The following CNTNAP1 variants were observed in gnomAD, a reference collection of about 807,000 sequenced individuals.
The protein encoded by CNTNAP1 is contactin associated protein 1, also known as contactin-associated protein 1.
CNTNAP1 carries 80 observed loss-of-function variants against 161.5 expected under a neutral mutation model. The observed-to-expected ratio is 0.50, with a 90% CI of 0.41 to 0.60. The LOEUF is 0.60. Among genes scored for constraint, CNTNAP1 ranks in the 20% least tolerant of loss-of-function variants. CNTNAP1 has a pLI of 0.00. For synonymous variants in CNTNAP1, 695 were observed against 733.1 expected, an observed-to-expected ratio of 0.95 and a Z score of 0.84; for missense variants, 1,464 against 1,854.8, an observed-to-expected ratio of 0.79 and a Z score of 3.87.
In CNTNAP1 at chr17:42,685,991, C is replaced by G. The variant is rs779237919; in HGVS notation, c.750C>G (p.Thr250=). The change falls in exon 6 of 24, where the codon ACC becomes ACG. Residue 250 remains threonine, a synonymous_variant. Transcript: ENST00000264638. The surrounding 1 kb of genome is among the most constrained non-coding windows in gnomAD (Gnocchi z 5.0). ...CTATCCAGCCAAGACCAGGTCACAC[C>G]ACCGTGAGCGCAGGCGGAGTCCTCA... is the stretch of plus-strand genomic sequence containing the variant. ...SSPIQPRPGH[T]TVSAGGVLND... 1 of 1,614,192 alleles carries G rather than the reference C, an allele frequency of 6.2e-7. No homozygotes were observed. Among genetic ancestry groups the G allele is most frequent in the Non-Finnish European group, 8.5e-7 (1 of 1,180,034 alleles).
At position 42,682,764 on chromosome 17, in the gene CNTNAP1, A is replaced by G; in HGVS notation, c.-66A>G. The stretch of plus-strand genomic sequence containing the variant: ...CCCCAGGAGGAGAGCTTGGAGCCCA[A>G]GCCAGAACTCGAGCCCTAGCCGGAG... On this transcript the variant is annotated 5_prime_UTR_variant, in exon 1 of 24. Coordinates refer to ENST00000264638, the MANE Select transcript of CNTNAP1 (RefSeq NM_003632.3). The G allele has an allele frequency of 2.6e-6, 4 of 1,509,908 alleles. No homozygotes were observed. Among genetic ancestry groups the G allele is most frequent in the Non-Finnish European group, 3.6e-6 (4 of 1,118,670 alleles). 93.5% of individuals were successfully genotyped at this position (1,509,908 alleles called of 1,614,324 possible).
At position 42,695,656 on chromosome 17, in the gene CNTNAP1, A is replaced by G. The variant is rs1325358153; in HGVS notation, c.3128A>G (p.Tyr1043Cys). 4 of 1,614,130 alleles carry G rather than the reference A, an allele frequency of 2.5e-6. No individual in the cohort carries two copies. The highest frequency in any genetic ancestry group is 2.2e-5 in the South Asian group (2 of 91,088). The change falls in exon 19 of 24, where the codon TAT (tyrosine) becomes TGT (cysteine). Residue 1043 changes from tyrosine to cysteine, a missense_variant. Tyr to Cys is a radical substitution (Grantham distance 194). Coordinates refer to ENST00000264638, the MANE Select transcript of CNTNAP1 (RefSeq NM_003632.3). The stretch of plus-strand genomic sequence containing the variant: ...TATGAGCCTGGCTACATCCCGGGCT[A>G]TGATACTCCGGGCTATGTGCCTGGC... Reference protein sequence around the residue: ...PGYEPGYIPGYDTPGYVPGYH... With the variant: ...PGYEPGYIPGCDTPGYVPGYH...
chr17:42,691,705 C>T lies in CNTNAP1; in HGVS notation c.2345-101C>T, dbSNP rs2053088219. The T allele has an allele frequency of 7.2e-7, 1 of 1,387,006 alleles. No homozygotes were observed. The highest frequency in any genetic ancestry group is 1.4e-5 in the African/African-American group (1 of 70,276). The allele number at this position is 1,387,006 out of a possible 1,614,324, so 85.9% of individuals were successfully genotyped here. A position where few individuals can be genotyped will look rare whatever the true frequency, so the allele number is the denominator to read the frequency against. The stretch of plus-strand genomic sequence containing the variant: ...TAGTCTCCCCTCCGTCACCTCAAAC[C>T]CTCCCCCTTTGCCCAACCTTCCCTG... On this transcript the variant is annotated intron_variant, in intron 15 of 23. Coordinates refer to ENST00000264638, the MANE Select transcript of CNTNAP1 (RefSeq NM_003632.3). The surrounding 1 kb of genome is among the most constrained non-coding windows in gnomAD (Gnocchi z 4.3).
intron 12 of CNTNAP1, 80 bp downstream of exon 12, chr17:42,690,287 A>C: frequency 6.5e-7 from 1 of 1,539,722 alleles, no homozygotes; most frequent in East Asian, 2.3e-5. Context: ...CAGTTAGACT[A>C]AACAAGTGAG....
chr17:42,691,025 G>C lies in CNTNAP1; in HGVS notation c.2059+83G>C. 3 of 1,599,960 alleles carry C rather than the reference G, an allele frequency of 1.9e-6. No individual in the cohort carries two copies. The highest frequency in any genetic ancestry group is 1.7e-6 in the Non-Finnish European group (2 of 1,171,046). On this transcript the variant is annotated intron_variant, in intron 13 of 23. Coordinates refer to ENST00000264638, the MANE Select transcript of CNTNAP1 (RefSeq NM_003632.3). This position sits in a 1 kb window ranked among gnomAD's most constrained non-coding sequence, Gnocchi z 4.3. ...GAGAAGGAAGCCAGAGAGCCAGCTGGGGCCTTGGGTTGGAAGATTCAAGGA... is the reference window on the plus strand; with the variant it reads ...GAGAAGGAAGCCAGAGAGCCAGCTGCGGCCTTGGGTTGGAAGATTCAAGGA...
chr17:42,682,760 C>A lies in CNTNAP1; in HGVS notation c.-70C>A. 1.4e-6 allele frequency: 2 copies of A among 1,477,904 alleles called. No homozygotes were observed. Among genetic ancestry groups the A allele is most frequent in the Non-Finnish European group, 1.8e-6 (2 of 1,090,126 alleles). 91.5% of individuals were successfully genotyped at this position (1,477,904 alleles called of 1,614,324 possible). A position where few individuals can be genotyped will look rare whatever the true frequency, so the allele number is the denominator to read the frequency against. On this transcript the variant is annotated 5_prime_UTR_variant, in exon 1 of 24. Transcript: ENST00000264638. ...CAAACCCCAGGAGGAGAGCTTGGAG[C>A]CCAAGCCAGAACTCGAGCCCTAGCC...
At position 42,682,596 on chromosome 17, in the gene CNTNAP1, A is replaced by G; in HGVS notation, c.-234A>G. 4 of 545,194 alleles carry G rather than the reference A, an allele frequency of 7.3e-6. No individual in the cohort carries two copies. The highest frequency in any genetic ancestry group is 1.3e-5 in the Non-Finnish European group (4 of 307,352). 33.8% of individuals were successfully genotyped at this position (545,194 alleles called of 1,614,324 possible). Reference sequence around the variant, plus strand: ...GGAGGTGAGAGGAAAGAGGGTGGAAAGGAGAGGATAGAGAGAGAAGAGCGG... The same window carrying G: ...GGAGGTGAGAGGAAAGAGGGTGGAAGGGAGAGGATAGAGAGAGAAGAGCGG... On this transcript the variant is annotated 5_prime_UTR_variant, in exon 1 of 24. Coordinates refer to ENST00000264638, the MANE Select transcript of CNTNAP1 (RefSeq NM_003632.3).
At chr17:42,688,404 A>AT in intron 8 of CNTNAP1, 58 bp from the exon 9 acceptor site, 3 of 1,611,206 alleles carry the variant, frequency 1.9e-6, no homozygotes, top group Middle Eastern at 3.3e-4. Context: ...CACTCAGAAC[A>AT]TTCTTCTACC....
chr17:42,683,601 T>G, intron 1 of CNTNAP1: 2 of 1,411,704 alleles, frequency 1.4e-6, no homozygotes, highest in Non-Finnish European at 1.8e-6. Context: ...CCTATAGGTG[T>G]AGCCTAGGGG....
chr17:42,685,543 C>A lies in CNTNAP1; in HGVS notation c.715+123C>A. On this transcript the variant is annotated intron_variant, in intron 5 of 23. Transcript: ENST00000264638. The surrounding 1 kb of genome is among the most constrained non-coding windows in gnomAD (Gnocchi z 5.0). ...TCTTCCACTTCTCTAAGGCCTGGAC[C>A]AAACTGCCCCTTTCTTGTAGCATTT... 2.3e-6 allele frequency: 2 copies of A among 884,266 alleles called. No homozygotes were observed. Among genetic ancestry groups the A allele is most frequent in the Non-Finnish European group, 3.4e-6 (2 of 587,052 alleles). 54.8% of individuals were successfully genotyped at this position (884,266 alleles called of 1,614,324 possible).
Position 42,686,833 on chromosome 17 carries a change from G to C in CNTNAP1, c.901-70G>C. The C allele has an allele frequency of 2.7e-6, 4 of 1,505,366 alleles. No homozygotes were observed. In the South Asian group the frequency reaches 5.0e-5, roughly 19 times the overall value. 93.3% of individuals were successfully genotyped at this position (1,505,366 alleles called of 1,614,324 possible). A position where few individuals can be genotyped will look rare whatever the true frequency, so the allele number is the denominator to read the frequency against. ...CCATCTGGCATTTGGGAAAGCATAC[G>C]GCGGGGACGCGCGAGAAAGGCAGGC... On this transcript the variant is annotated intron_variant, in intron 6 of 23. Coordinates refer to ENST00000264638, the MANE Select transcript of CNTNAP1 (RefSeq NM_003632.3).
chr17:42,693,535 CG>C lies in CNTNAP1; in HGVS notation c.2992+1del. 1 of 1,612,086 alleles carries C rather than the reference CG, an allele frequency of 6.2e-7. No homozygotes were observed. The highest frequency in any genetic ancestry group is 8.5e-7 in the Non-Finnish European group (1 of 1,178,298). ...CTTTTGATGGGCCATACTGCAACCA[CG>C]GTAAGTGCTGCTGGTTATGGGGCAA... ...TAFDGPYCNH[D>X]IGGFFEPGTW... On this transcript the variant is annotated frameshift_variant and splice_region_variant, in exon 18 of 24. Coordinates refer to ENST00000264638, the MANE Select transcript of CNTNAP1 (RefSeq NM_003632.3). LOFTEE classifies it high-confidence loss of function.
chr17:42,686,846 G>C (rs1308412913), intron 6 of CNTNAP1, 57 bp from the exon 7 acceptor site: 3 of 1,532,542 alleles, frequency 2.0e-6, no homozygotes, highest in Admixed American at 2.0e-5. Context: ...GGGGACGCGC[G>C]AGAAAGGCAG....
intron 9 of CNTNAP1, 99 bp from the exon 10 acceptor site, chr17:42,688,777 C>T (rs1156525189): frequency 3.3e-6 from 5 of 1,534,662 alleles, no homozygotes; most frequent in Non-Finnish European, 4.5e-6. Flanking sequence ...GGTTGTAGTC[C>T]CCTTTCTTCC....
In CNTNAP1 at chr17:42,685,773, T is replaced by C. The variant is rs1266370672; in HGVS notation, c.716-184T>C. Reference sequence around the variant, plus strand: ...TAGAAGCAGCTCATGTGTTCCCAGTTTTACAGACAGGAAGCCAGGCTAAAT... The same window carrying C: ...TAGAAGCAGCTCATGTGTTCCCAGTCTTACAGACAGGAAGCCAGGCTAAAT... On this transcript the variant is annotated intron_variant, in intron 5 of 23. Coordinates refer to ENST00000264638, the MANE Select transcript of CNTNAP1 (RefSeq NM_003632.3). This position sits in a 1 kb window ranked among gnomAD's most constrained non-coding sequence, Gnocchi z 5.0. Among the ~76,000 whole-genome samples the C allele has an allele frequency of 6.6e-6, 1 of 152,130 alleles. No individual in the cohort carries two copies. The highest frequency in any genetic ancestry group is 1.5e-5 in the Non-Finnish European group (1 of 68,012).
rs1019108814 is a variant in CNTNAP1, at chr17:42,696,275, G to C, written c.3474+123G>C. Reference sequence around the variant, plus strand: ...ATTTGAATGTATAGAGGATTTTCACGTGTGTCACCTCATGTAACCCTCACA... The same window carrying C: ...ATTTGAATGTATAGAGGATTTTCACCTGTGTCACCTCATGTAACCCTCACA... On this transcript the variant is annotated intron_variant, in intron 20 of 23. Transcript: ENST00000264638. The C allele has an allele frequency of 5.5e-6, 7 of 1,265,928 alleles. No homozygotes were observed. In the East Asian group the frequency reaches 1.7e-4, roughly 31 times the overall value. The allele number at this position is 1,265,928 out of a possible 1,614,324, so 78.4% of individuals were successfully genotyped here. A position where few individuals can be genotyped will look rare whatever the true frequency, so the allele number is the denominator to read the frequency against.
intron 23 of CNTNAP1, 150 bp from the exon 24 acceptor site, chr17:42,698,468 T>C: frequency 1.6e-6 from 1 of 628,970 alleles, no homozygotes; most frequent in Non-Finnish European, 2.7e-6. Flanking sequence ...TGTGTGTGTG[T>C]GTGTGTGTGT....
rs370996312 is a variant in CNTNAP1 at position 42,687,690 on chromosome 17, G to A, written c.1045-30G>A. ...CAGCTGAGGCAGAGGCGGCTCACGGGTGTTGATGCGTCTTCACTTTTGCCC... is the reference window on the plus strand; with the variant it reads ...CAGCTGAGGCAGAGGCGGCTCACGGATGTTGATGCGTCTTCACTTTTGCCC... On this transcript the variant is annotated intron_variant, in intron 7 of 23. Transcript: ENST00000264638. This position sits in a 1 kb window ranked among gnomAD's most constrained non-coding sequence, Gnocchi z 4.7. The A allele has an allele frequency of 1.2e-6, 2 of 1,608,874 alleles. No individual in the cohort carries two copies. Among genetic ancestry groups the A allele is most frequent in the African/African-American group, 1.3e-5 (1 of 74,864 alleles).
chr17:42,687,700 G>A lies in CNTNAP1; in HGVS notation c.1045-20G>A, dbSNP rs1189358573. The A allele has an allele frequency of 1.2e-6, 2 of 1,612,006 alleles. No individual in the cohort carries two copies. Among genetic ancestry groups the A allele is most frequent in the Non-Finnish European group, 1.7e-6 (2 of 1,178,576 alleles). ...AGAGGCGGCTCACGGGTGTTGATGC[G>A]TCTTCACTTTTGCCCCTAGGGTAAG... On this transcript the variant is annotated intron_variant, in intron 7 of 23. Transcript: ENST00000264638. This position sits in a 1 kb window ranked among gnomAD's most constrained non-coding sequence, Gnocchi z 4.7.
Sources: gnomAD v4.1 joint callset for allele counts (sites outside exome capture counted in the v4.1 genomes callset) on GRCh38, gnomAD v4.1.1 for gene constraint, Gnocchi (gnomAD v3.1) non-coding constraint, MANE v1.5 for transcripts, NCBI Gene and HGNC (gene_info 2026-07-23, HGNC 2026-07-21) for gene names.